CPNE2: variants seen among roughly 807,000 people sequenced by gnomAD.
The protein encoded by CPNE2 is copine 2, also known as copine-2.
In CPNE2, 42 loss-of-function variants were observed where a neutral mutation model predicts 69.7. That is an observed-to-expected ratio of 0.60 (90% CI 0.47 to 0.78). The LOEUF is 0.78. Among genes scored for constraint, CPNE2 ranks in the 30% least tolerant of loss-of-function variants. CPNE2 has a pLI of 0.00. For synonymous variants in CPNE2, 294 were observed against 289.8 expected, an observed-to-expected ratio of 1.01 and a Z score of -0.15; for missense variants, 587 against 732.0, an observed-to-expected ratio of 0.80 and a Z score of 2.29.
intron 1 of CPNE2, among the ~76,000 whole-genome samples, chr16:57,100,540 C>G (rs2069606772): frequency 6.6e-6 from 1 of 152,238 alleles, no homozygotes; most frequent in African/African-American, 2.4e-5. Context: ...GGACCAATGA[C>G]TTGTCCAGAG....
At chr16:57,125,092 C>T (rs1433167739) in intron 10 of CPNE2, 2 of 329,320 alleles carry the variant, frequency 6.1e-6, no homozygotes, top group South Asian at 2.3e-5. Flanking sequence ...AAATCTTCCC[C>T]GGGGTCCTAC....
rs1403670193 is a variant in CPNE2, at chr16:57,137,219, C to G, written c.1239C>G (p.Phe413Leu). The G allele has an allele frequency of 4.3e-6, 7 of 1,614,248 alleles. No individual in the cohort carries two copies. Among genetic ancestry groups the G allele is most frequent in the Non-Finnish European group, 5.9e-6 (7 of 1,180,042 alleles). ...PHIRFYGPTN[F>L]SPIVNHVARF... ...TCCGCTTCTACGGTCCTACCAATTT[C>G]TCCCCCATCGTCAACCACGTGGCCC... The change falls in exon 14 of 16, where the codon TTC (phenylalanine) becomes TTG (leucine). Residue 413 changes from phenylalanine (F) to leucine (L), a missense_variant. Around this residue, in one of 5 missense-constraint regions of CPNE2, gnomAD observed 185 missense variants for 252.3 expected, o/e 0.73. Transcript: ENST00000290776.
chr16:57,147,739 G>A lies in CPNE2; in HGVS notation c.*81G>A. 1 of 909,982 alleles carries A rather than the reference G, an allele frequency of 1.1e-6. No individual in the cohort carries two copies. The highest frequency in any genetic ancestry group is 1.7e-5 in the African/African-American group (1 of 58,822). The allele number at this position is 909,982 out of a possible 1,614,324, so 56.4% of individuals were successfully genotyped here. A position where few individuals can be genotyped will look rare whatever the true frequency, so the allele number is the denominator to read the frequency against. On this transcript the variant is annotated 3_prime_UTR_variant, in exon 16 of 16. Coordinates refer to ENST00000290776, the MANE Select transcript of CPNE2 (RefSeq NM_152727.6). ...ATGCACGCTCACTCTGCTTCCTTGTGGGTGGCCTTTTTTTACCGATCCCCT... is the reference window on the plus strand; with the variant it reads ...ATGCACGCTCACTCTGCTTCCTTGTAGGTGGCCTTTTTTTACCGATCCCCT...
chr16:57,114,472 G>A (rs1200325843), intron 3 of CPNE2, among the ~76,000 whole-genome samples: 3 of 152,152 alleles, frequency 2.0e-5, no homozygotes, highest in Admixed American at 1.3e-4. Flanking sequence ...CTGCTCTCCC[G>A]TCTCCTGCCC....
chr16:57,146,257 C>A lies in CPNE2; in HGVS notation c.1475C>A (p.Ser492Tyr). The change falls in exon 15 of 16, where the codon TCC (serine) becomes TAC (tyrosine). Residue 492 changes from serine (S) to tyrosine (Y), a missense_variant. Ser to Tyr is a moderately radical substitution (Grantham distance 144, BLOSUM62 -2). This residue lies in a region of CPNE2 where 185 missense variants were observed against 252.3 expected (regional missense o/e 0.73). Transcript: ENST00000290776. This position sits in a 1 kb window ranked among gnomAD's most constrained non-coding sequence, Gnocchi z 4.4. ...GATGGGGACAGCCGCATGCTGCGCTCCCACACGGGGGAGGAGGCAGCCCGC... is the reference window on the plus strand; with the variant it reads ...GATGGGGACAGCCGCATGCTGCGCTACCACACGGGGGAGGAGGCAGCCCGC... ...FLDGDSRMLR[S>Y]HTGEEAARDI... 6.4e-7 allele frequency: 1 copy of A among 1,557,904 alleles called. No individual in the cohort carries two copies. The highest frequency in any genetic ancestry group is 2.4e-5 in the East Asian group (1 of 41,484).
chr16:57,117,367 A>G (rs1334575520), intron 4 of CPNE2, 129 bp from the exon 5 acceptor site: 4 of 842,288 alleles, frequency 4.7e-6, no homozygotes, highest in South Asian at 1.7e-5. Context: ...GATTTGTCCA[A>G]GGTCACCTGG....
intron 1 of CPNE2, among the ~76,000 whole-genome samples, chr16:57,093,533 C>A (rs895012632): frequency 6.6e-6 from 1 of 152,036 alleles, no homozygotes; most frequent in East Asian, 1.9e-4. Context: ...GCTCCACGTC[C>A]CCCCGAGTTC....
intron 1 of CPNE2, among the ~76,000 whole-genome samples, chr16:57,094,378 G>A (rs2069564952): frequency 6.6e-6 from 1 of 152,018 alleles, no homozygotes; most frequent in African/African-American, 2.4e-5. Flanking sequence ...TGGCAAGTGT[G>A]GTGTCTCTGG....
intron 1 of CPNE2, chr16:57,094,185 C>A: frequency 2.3e-6 from 1 of 428,894 alleles, no homozygotes; most frequent in African/African-American, 2.0e-5. Context: ...GATGTGGACG[C>A]TTGGGTTCGT....
rs2145291270 is a variant in CPNE2 at position 57,147,667 on chromosome 16, GC to G, written c.*12del. ...ACTCGGAGCCCGCCTGAGCTCCAGT[GC>G]CCAGCAGCAGCATGTCAGCTGAGCC... is the stretch of plus-strand genomic sequence containing the variant. On this transcript the variant is annotated 3_prime_UTR_variant, in exon 16 of 16. Transcript: ENST00000290776. 1 of 1,587,140 alleles carries G rather than the reference GC, an allele frequency of 6.3e-7. No homozygotes were observed. Among genetic ancestry groups the G allele is most frequent in the South Asian group, 1.1e-5 (1 of 87,952 alleles).
rs1385375873 is a variant in CPNE2 at position 57,137,234 on chromosome 16, C to T, written c.1254C>T (p.Asn418=). 6.2e-7 allele frequency: 1 copy of T among 1,614,252 alleles called. No homozygotes were observed. Among genetic ancestry groups the T allele is most frequent in the South Asian group, 1.1e-5 (1 of 91,092 alleles). ...CTACCAATTTCTCCCCCATCGTCAA[C>T]CACGTGGCCCGGTTTGCGGCCCAGG... is the stretch of plus-strand genomic sequence containing the variant. The part of the protein sequence containing the change: ...YGPTNFSPIV[N]HVARFAAQAT... The change falls in exon 14 of 16, where the codon AAC becomes AAT. Residue 418 remains asparagine (N), a synonymous_variant. Transcript: ENST00000290776.
intron 5 of CPNE2, among the ~76,000 whole-genome samples, chr16:57,118,688 G>GGATGGATAGATA (rs370387684): frequency 6.6e-6 from 1 of 150,918 alleles, no homozygotes; most frequent in African/African-American, 2.4e-5. Flanking sequence ...ATGGATGGAT[G>GGATGGATAGATA]GATAGATAGA....
intron 5 of CPNE2, among the ~76,000 whole-genome samples, chr16:57,118,680 G>GGATA (rs2069738465): frequency 6.6e-6 from 1 of 151,640 alleles, no homozygotes; most frequent in African/African-American, 2.4e-5. Context: ...ATGGATGGAT[G>GGATA]GATGGATGGA....
chr16:57,123,595 G>T, intron 10 of CPNE2, 122 bp downstream of exon 10: 3 of 1,066,044 alleles, frequency 2.8e-6, no homozygotes, highest in Non-Finnish European at 4.2e-6. Context: ...CTTCCCTGGG[G>T]CAAAGAGTGT....
rs187846857 is a variant in CPNE2 at position 57,099,900 on chromosome 16, C to T, written c.-36+7110C>T. Among the ~76,000 whole-genome samples, 241 of 151,844 alleles carry T rather than the reference C, an allele frequency of 1.6e-3. 3 individuals carry two copies. The highest frequency in any genetic ancestry group is 5.4e-3 in the African/African-American group (222 of 41,362). On this transcript the variant is annotated intron_variant, in intron 1 of 15. Transcript: ENST00000290776. ...AAGCGATTCTCCTGCCTCAGCCTCCCGAATAGCTGGGACTACAGGCGCGTG... is the reference window on the plus strand; with the variant it reads ...AAGCGATTCTCCTGCCTCAGCCTCCTGAATAGCTGGGACTACAGGCGCGTG...
intron 12 of CPNE2, among the ~76,000 whole-genome samples, chr16:57,133,421 TC>T (rs1265010457): frequency 6.6e-6 from 1 of 151,924 alleles, no homozygotes; most frequent in African/African-American, 2.4e-5. Flanking sequence ...TAAGACCAAC[TC>T]CCACCCCCAG....
Position 57,148,349 on chromosome 16 carries a change from T to C in CPNE2, c.*691T>C, listed in dbSNP as rs1415481940. On this transcript the variant is annotated 3_prime_UTR_variant, in exon 16 of 16. Coordinates refer to ENST00000290776, the MANE Select transcript of CPNE2 (RefSeq NM_152727.6). ...GCACATTGTACAAACTCAATAAATA[T>C]TCATGGATGAATAGAATGAATGTGC... is the stretch of plus-strand genomic sequence containing the variant. 1 of 152,214 alleles carries C rather than the reference T, an allele frequency of 6.6e-6. No homozygotes were observed. Among genetic ancestry groups the C allele is most frequent in the East Asian group, 1.9e-4 (1 of 5,194 alleles). 9.4% of individuals were successfully genotyped at this position (152,214 alleles called of 1,614,324 possible).
At chr16:57,095,560 C>T (rs2069573508) in intron 1 of CPNE2, among the ~76,000 whole-genome samples, 1 of 152,188 alleles carries the variant, frequency 6.6e-6, no homozygotes, top group African/African-American at 2.4e-5. Context: ...GCAACCTCCA[C>T]CTCCCAGGTT....
At position 57,125,902 on chromosome 16, in the gene CPNE2, C is replaced by T. The variant is rs770696614; in HGVS notation, c.970C>T (p.Pro324Ser). The change falls in exon 11 of 16, where the codon CCT (proline) becomes TCT (serine). Residue 324 changes from proline to serine, a missense_variant. Physicochemically the swap from Pro to Ser is moderately conservative, Grantham distance 74. This residue lies in a region of CPNE2 where 269 missense variants were observed against 300.5 expected (regional missense o/e 0.90). Transcript: ENST00000290776. Reference sequence around the variant, plus strand: ...AGCCTCCAACGGGAATCCCCTCGACCCTTCCTCTTTGCACTATATCAACCC... The same window carrying T: ...AGCCTCCAACGGGAATCCCCTCGACTCTTCCTCTTTGCACTATATCAACCC... The part of the protein sequence containing the change: ...FTASNGNPLD[P>S]SSLHYINPMG... The T allele has an allele frequency of 5.6e-6, 9 of 1,614,068 alleles. No homozygotes were observed. In the African/African-American group the frequency reaches 9.3e-5, roughly 17 times the overall value.
Sources: gnomAD v4.1 joint callset for allele counts (sites outside exome capture counted in the v4.1 genomes callset) on GRCh38, gnomAD v4.1.1 for gene constraint, gnomAD v4.1.1 regional missense constraint, Gnocchi (gnomAD v3.1) non-coding constraint, MANE v1.5 for transcripts, NCBI Gene and HGNC (gene_info 2026-07-23, HGNC 2026-07-21) for gene names.